The following CFAP161 variants were observed in gnomAD, a reference collection of about 807,000 sequenced individuals.
CFAP161 encodes the protein cilia- and flagella-associated protein 161.
In CFAP161, 25 loss-of-function variants were observed where a neutral mutation model predicts 29.0. The ratio of observed to expected loss-of-function variants is 0.86; its 90% CI spans 0.63 to 1.20. CFAP161 has a LOEUF of 1.20. Ranked by LOEUF, CFAP161 falls within the 50% of genes most tolerant of loss-of-function variation. CFAP161 has a pLI of 0.00. For missense variants in CFAP161, 367 were observed against 371.9 expected, an observed-to-expected ratio of 0.99 and a Z score of 0.11; for synonymous variants, 116 against 137.4, an observed-to-expected ratio of 0.84 and a Z score of 1.09.
At position 81,142,517 on chromosome 15, in the gene CFAP161, C is replaced by G. The variant is rs76563004; in HGVS notation, c.478-1145C>G. ...CCTCCTCAGAGCCTCTTTTGATCCC[C>G]CAGGAAAGCACCGTGCTCCTACCTC... On this transcript the variant is annotated intron_variant, in intron 4 of 6. Coordinates refer to ENST00000286732, the MANE Select transcript of CFAP161 (RefSeq NM_173528.4). Among the ~76,000 whole-genome samples, 313 of 152,198 alleles carry G rather than the reference C, an allele frequency of 2.1e-3. 10 individuals carry two copies. In the East Asian group the frequency reaches 0.054, roughly 26 times the overall value.
chr15:81,121,875 C>A (rs78148093), intron 1 of CFAP161, among the ~76,000 whole-genome samples: 3,388 of 152,302 alleles, frequency 0.022, 133 homozygotes, highest in African/African-American at 0.078. Context: ...CCACCTTCCA[C>A]CTTCTGAAAG....
At chr15:81,104,454 T>C (rs952737366) in intron 1 of CFAP161, among the ~76,000 whole-genome samples, 1 of 152,204 alleles carries the variant, frequency 6.6e-6, no homozygotes, top group Non-Finnish European at 1.5e-5. Context: ...GCAGCTACTT[T>C]AAAGACAGCA....
intron 2 of CFAP161, among the ~76,000 whole-genome samples, chr15:81,128,970 A>T (rs1894675508): frequency 1.4e-5 from 2 of 147,944 alleles, no homozygotes. Context: ...AAAAAAAAAA[A>T]GCATTTCTTA....
At chr15:81,135,197 A>G in intron 1 of CFAP161, 73 bp from the exon 2 acceptor site, 1 of 1,059,014 alleles carries the variant, frequency 9.4e-7, no homozygotes, top group Non-Finnish European at 1.3e-6. Context: ...AACTTGGAAG[A>G]GCTTCTGACC....
chr15:81,147,852 G>A lies in CFAP161; in HGVS notation c.637-6G>A. 1 of 1,595,752 alleles carries A rather than the reference G, an allele frequency of 6.3e-7. No individual in the cohort carries two copies. The highest frequency in any genetic ancestry group is 8.5e-7 in the Non-Finnish European group (1 of 1,172,826). On this transcript the variant is annotated splice_region_variant and splice_polypyrimidine_tract_variant and intron_variant, in intron 5 of 6. Coordinates refer to ENST00000286732, the MANE Select transcript of CFAP161 (RefSeq NM_173528.4). The stretch of plus-strand genomic sequence containing the variant: ...TGCTAATAACACATTTTCTTTATCT[G>A]TTAAGGCAAATGCTAAAATTCTCAT...
At chr15:81,134,120 A>G, upstream of CFAP161, 1 of 558,864 alleles carries the variant, frequency 1.8e-6, no homozygotes, top group South Asian at 2.2e-5. Context: ...AGGAAATCTA[A>G]GAGGTGGAAG....
At chr15:81,125,871 T>C (rs1228525016) in intron 1 of CFAP161, among the ~76,000 whole-genome samples, 1 of 152,140 alleles carries the variant, frequency 6.6e-6, no homozygotes, top group Non-Finnish European at 1.5e-5. Context: ...TTTGTTTTTG[T>C]TTTTGTTTTT....
chr15:81,112,951 G>C (rs1894455785), intron 1 of CFAP161, among the ~76,000 whole-genome samples: 1 of 152,144 alleles, frequency 6.6e-6, no homozygotes, highest in Non-Finnish European at 1.5e-5. Context: ...AATAATGTAT[G>C]AGTGCATTTC....
Position 81,139,303 on chromosome 15 carries a change from T to A in CFAP161, c.477+1168T>A, listed in dbSNP as rs946491864. The stretch of plus-strand genomic sequence containing the variant: ...CAGAAAGAGACCCTGTGTCAAAAAA[T>A]AAAAATAAAAATAAAAAATAAAAAG... On this transcript the variant is annotated intron_variant, in intron 4 of 6. Coordinates refer to ENST00000286732, the MANE Select transcript of CFAP161 (RefSeq NM_173528.4). Among the ~76,000 whole-genome samples, 215 of 150,248 alleles carry A rather than the reference T, an allele frequency of 1.4e-3. 1 individual carries two copies. Among genetic ancestry groups the A allele is most frequent in the Non-Finnish European group, 1.5e-3 (105 of 67,872 alleles).
At chr15:81,147,521 G>A (rs1480160723) in intron 5 of CFAP161, among the ~76,000 whole-genome samples, 3 of 152,020 alleles carry the variant, frequency 2.0e-5, no homozygotes, top group African/African-American at 7.3e-5. Flanking sequence ...TACACACCAA[G>A]GCTACACGGG....
rs1479579473 is a variant in CFAP161 at position 81,134,288 on chromosome 15, A to T, written c.-42A>T. 1.3e-6 allele frequency: 2 copies of T among 1,560,940 alleles called. No homozygotes were observed. Among genetic ancestry groups the T allele is most frequent in the South Asian group, 1.2e-5 (1 of 84,750 alleles). On this transcript the variant is annotated 5_prime_UTR_variant, in exon 1 of 7. It removes an upstream start codon present in the reference 5' UTR. Coordinates refer to ENST00000286732, the MANE Select transcript of CFAP161 (RefSeq NM_173528.4). ...TCATGGCGACGCGCCACGCTAACGCATGGTGTCGGAGGGAGGCCCACTTGC... is the reference window on the plus strand; with the variant it reads ...TCATGGCGACGCGCCACGCTAACGCTTGGTGTCGGAGGGAGGCCCACTTGC...
upstream of CFAP161, among the ~76,000 whole-genome samples, chr15:81,130,572 C>T (rs150951222): frequency 3.4e-4 from 52 of 152,262 alleles, no homozygotes; most frequent in African/African-American, 1.1e-3. Context: ...TGGTGGCATG[C>T]GCCTGTAGTC....
rs1204683841 is a variant in CFAP161, at chr15:81,122,484, T to C, written c.-141-5106T>C. ...GATCAGTGATGTTGATTTTTTTTTCTTTCTTTCTTTCTTTTTTTTTTTTTT... is the reference window on the plus strand; with the variant it reads ...GATCAGTGATGTTGATTTTTTTTTCCTTCTTTCTTTCTTTTTTTTTTTTTT... On this transcript the variant is annotated intron_variant, in intron 1 of 4. Transcript: ENST00000560091. Among the ~76,000 whole-genome samples, 5 of 131,704 alleles carry C rather than the reference T, an allele frequency of 3.8e-5. No homozygotes were observed. The East Asian group carries it at 1.0e-3, about 26-fold the overall frequency. The allele number at this position is 131,704 out of a possible 152,430, so 86.4% of individuals were successfully genotyped here.
At chr15:81,127,212 TG>T (rs1199652862) in intron 1 of CFAP161, among the ~76,000 whole-genome samples, 1 of 152,244 alleles carries the variant, frequency 6.6e-6, no homozygotes, top group Non-Finnish European at 1.5e-5. Flanking sequence ...GTGTTTTAGA[TG>T]ATGGTGATTG....
chr15:81,129,255 C>T (rs935825607), intron 2 of CFAP161, among the ~76,000 whole-genome samples: 5 of 151,884 alleles, frequency 3.3e-5, no homozygotes, highest in African/African-American at 1.2e-4. Flanking sequence ...TTATAGAGCA[C>T]AGGAAAAGTA....
intron 4 of CFAP161, among the ~76,000 whole-genome samples, chr15:81,141,548 G>A (rs1894909153): frequency 6.6e-6 from 1 of 151,974 alleles, no homozygotes; most frequent in Admixed American, 6.6e-5. Flanking sequence ...TTGGTTTCTT[G>A]TCTTTGAATT....
At chr15:81,134,481 C>T (rs1471313126) in intron 1 of CFAP161, 83 bp downstream of exon 1, 22 of 1,308,280 alleles carry the variant, frequency 1.7e-5, no homozygotes, top group Non-Finnish European at 2.3e-5. Context: ...ACTTTGAGCG[C>T]CTCAAGCCTC....
chr15:81,114,295 T>C (rs1894470924), intron 1 of CFAP161, among the ~76,000 whole-genome samples: 1 of 152,250 alleles, frequency 6.6e-6, no homozygotes, highest in South Asian at 2.1e-4. Context: ...AAGTGTTCAA[T>C]GGCTTTATGT....
At chr15:81,145,683 C>A (rs1894994830) in intron 5 of CFAP161, among the ~76,000 whole-genome samples, 1 of 152,154 alleles carries the variant, frequency 6.6e-6, no homozygotes, top group African/African-American at 2.4e-5. Flanking sequence ...CCAAACCTGT[C>A]TGAGCTACCT....
Sources: allele counts gnomAD v4.1 joint callset (sites outside exome capture counted in the v4.1 genomes callset), GRCh38; gene constraint gnomAD v4.1.1; transcripts MANE v1.5; gene names NCBI Gene and HGNC (gene_info 2026-07-23, HGNC 2026-07-21).